The following SDK1 variants were observed in gnomAD, a reference collection of about 807,000 sequenced individuals.
The protein encoded by SDK1 is protein sidekick-1.
A neutral mutation model predicts 245.5 loss-of-function variants in SDK1; 157 were observed. The ratio of observed to expected loss-of-function variants is 0.64; its 90% CI spans 0.56 to 0.73. The LOEUF (loss-of-function observed/expected upper bound fraction) is 0.73. Ranked by LOEUF, SDK1 falls within the 30% of genes least tolerant of loss-of-function variation. SDK1 has a pLI of 0.00. For missense variants in SDK1, 3,583 were observed against 3,002.3 expected, an observed-to-expected ratio of 1.19 and a Z score of -4.52; for synonymous variants, 1,647 against 1,278.5, an observed-to-expected ratio of 1.29 and a Z score of -6.15.
chr7:3,599,684 C>G (rs1330236194), intron 1 of SDK1, among the ~76,000 whole-genome samples: 1 of 152,124 alleles, frequency 6.6e-6, no homozygotes, highest in East Asian at 1.9e-4. Context: ...TCTAGGTATT[C>G]AATTGCCTAG....
At position 3,798,596 on chromosome 7, in the gene SDK1, C is replaced by T. The variant is rs543219826; in HGVS notation, c.714-22854C>T. On this transcript the variant is annotated intron_variant, in intron 4 of 44. Coordinates refer to ENST00000404826, the MANE Select transcript of SDK1 (RefSeq NM_152744.4). ...TTTGGACTTGTCTGATGGTTTCTCA[C>T]GATCAAGCTGACTCATCATCTCAGG... 9.9e-5 allele frequency among the ~76,000 whole-genome samples: 15 copies of T among 152,242 alleles called. 1 individual carries two copies. Among genetic ancestry groups the T allele is most frequent in the African/African-American group, 2.9e-4 (12 of 41,538 alleles).
At chr7:4,001,419 C>T (rs530416740) in intron 14 of SDK1, among the ~76,000 whole-genome samples, 1 of 152,316 alleles carries the variant, frequency 6.6e-6, no homozygotes, top group South Asian at 2.1e-4. Context: ...CCCTTGGGTC[C>T]AGGTCAAAGT....
intron 1 of SDK1, among the ~76,000 whole-genome samples, chr7:3,561,103 C>G (rs915839333): frequency 6.6e-6 from 1 of 152,024 alleles, no homozygotes; most frequent in Non-Finnish European, 1.5e-5. Flanking sequence ...TAGTGCAATG[C>G]TAGATTGCAA....
intron 1 of SDK1, among the ~76,000 whole-genome samples, chr7:3,503,810 G>A (rs903025955): frequency 2.0e-5 from 3 of 152,074 alleles, no homozygotes; most frequent in Non-Finnish European, 4.4e-5. Context: ...GTAAGTAAAT[G>A]GAAAGGCGTG....
chr7:3,724,013 G>T (rs999130589), intron 4 of SDK1, among the ~76,000 whole-genome samples: 1 of 151,176 alleles, frequency 6.6e-6, no homozygotes, highest in African/African-American at 2.4e-5. Context: ...GCCTAGGCTG[G>T]AGTACAGTGG....
chr7:4,172,241 G>T (rs558154603), intron 32 of SDK1, among the ~76,000 whole-genome samples: 1 of 152,228 alleles, frequency 6.6e-6, no homozygotes, highest in Non-Finnish European at 1.5e-5. Context: ...TGGCCTGGGG[G>T]CTGCTTGAGC....
chr7:4,180,561 G>A lies in SDK1; in HGVS notation c.5098+1975G>A, dbSNP rs369240436. On this transcript the variant is annotated intron_variant, in intron 35 of 44. Transcript: ENST00000404826. Reference sequence around the variant, plus strand: ...GCTCTATGCCCAGCGCCCAGCTCCAGTTCTAGGGTCTGCGCTGTTGGTGTC... The same window carrying A: ...GCTCTATGCCCAGCGCCCAGCTCCAATTCTAGGGTCTGCGCTGTTGGTGTC... 3.1e-3 allele frequency among the ~76,000 whole-genome samples: 476 copies of A among 152,358 alleles called. 20 individuals carry two copies. The South Asian group carries it at 0.08, about 26-fold the overall frequency.
chr7:3,830,709 C>T (rs532248307), intron 5 of SDK1, among the ~76,000 whole-genome samples: 7 of 152,168 alleles, frequency 4.6e-5, no homozygotes, highest in Middle Eastern at 3.4e-3. Context: ...TTGTTGCCCA[C>T]GCTGGTCTTG....
At chr7:3,451,046 A>G (rs1780497068) in intron 1 of SDK1, among the ~76,000 whole-genome samples, 1 of 152,168 alleles carries the variant, frequency 6.6e-6, no homozygotes, top group East Asian at 1.9e-4. Context: ...AGAGGTCATC[A>G]GTGGCTCAGG....
At chr7:3,672,642 TATATTAAATAA>T (rs1783740840) in intron 4 of SDK1, among the ~76,000 whole-genome samples, 1 of 140,154 alleles carries the variant, frequency 7.1e-6, no homozygotes, top group Non-Finnish European at 1.5e-5. Context: ...ATATTAAATA[TATATTAAATAA>T]ATATTAAATT....
At chr7:3,663,233 G>T (rs1783420888) in intron 4 of SDK1, among the ~76,000 whole-genome samples, 1 of 152,224 alleles carries the variant, frequency 6.6e-6, no homozygotes, top group Non-Finnish European at 1.5e-5. Context: ...TACTTTTAGA[G>T]TAAGATATAT....
chr7:4,095,980 G>T (rs1371931246), intron 22 of SDK1, among the ~76,000 whole-genome samples: 1 of 152,180 alleles, frequency 6.6e-6, no homozygotes, highest in Non-Finnish European at 1.5e-5. Flanking sequence ...CCCTAAGAGG[G>T]GTTCCTGCTC....
chr7:3,987,359 A>G, intron 14 of SDK1, 37 bp downstream of exon 14: 1 of 1,608,746 alleles, frequency 6.2e-7, no homozygotes, highest in South Asian at 1.1e-5. Flanking sequence ...ATGGACGATA[A>G]TCAGATTTTT....
intron 5 of SDK1, among the ~76,000 whole-genome samples, chr7:3,913,545 G>A (rs527725317): frequency 6.8e-4 from 103 of 151,974 alleles, no homozygotes; most frequent in Non-Finnish European, 6.0e-4. Context: ...CACCCGCCTC[G>A]GCCTCCCAAA....
chr7:3,880,835 A>G (rs1379645226), intron 5 of SDK1, among the ~76,000 whole-genome samples: 2 of 152,116 alleles, frequency 1.3e-5, no homozygotes, highest in African/African-American at 2.4e-5. Context: ...GTGATCTGAC[A>G]GTGGAAGGCA....
chr7:3,454,423 T>TGTGTGTGTGCGC (rs1554273965), intron 1 of SDK1, among the ~76,000 whole-genome samples: 133 of 150,146 alleles, frequency 8.9e-4, no homozygotes, highest in Non-Finnish European at 1.5e-3. Context: ...TGTGTGTGTG[T>TGTGTGTGTGCGC]GCTGTGTACA....
chr7:4,100,317 G>A (rs114368143), intron 22 of SDK1, among the ~76,000 whole-genome samples: 50 of 152,292 alleles, frequency 3.3e-4, no homozygotes, highest in African/African-American at 1.2e-3. Flanking sequence ...TCCAGGAGAA[G>A]GGCTTTATGA....
At chr7:4,265,045 A>C (rs2128245686) in intron 44 of SDK1, 79 bp from the exon 45 acceptor site, 1 of 1,543,342 alleles carries the variant, frequency 6.5e-7, no homozygotes, top group Non-Finnish European at 8.7e-7. Flanking sequence ...AGGTGCCCCC[A>C]CCGCCAGGCC....
At chr7:3,876,122 G>C (rs543334849) in intron 5 of SDK1, among the ~76,000 whole-genome samples, 5 of 152,274 alleles carry the variant, frequency 3.3e-5, no homozygotes, top group South Asian at 4.2e-4. Flanking sequence ...CTAGTCTGCT[G>C]TTTCCCTCCA....
Sources: gnomAD v4.1 joint callset for allele counts (sites outside exome capture counted in the v4.1 genomes callset) on GRCh38, gnomAD v4.1.1 for gene constraint, MANE v1.5 for transcripts, NCBI Gene and HGNC (gene_info 2026-07-23, HGNC 2026-07-21) for gene names.